Variants in GRK1 observed in about 807,000 individuals in gnomAD.
GRK1 encodes rhodopsin kinase GRK1.
In GRK1, 28 loss-of-function variants were observed where a neutral mutation model predicts 41.7. That is an observed-to-expected ratio of 0.67 (90% confidence interval 0.50 to 0.92). The LOEUF (loss-of-function observed/expected upper bound fraction) is 0.92, where lower values mean the gene tolerates loss of function less well. Among genes scored for constraint, GRK1 ranks in the 40% least tolerant of loss-of-function variants. GRK1 has a pLI of 0.00. For missense variants in GRK1, 703 were observed against 671.2 expected, an observed-to-expected ratio of 1.05 and a Z score of -0.52; for synonymous variants, 327 against 286.7, an observed-to-expected ratio of 1.14 and a Z score of -1.42.
chr13:113,653,186 G>A, the GRK1 span: 59 of 1,416,356 alleles, frequency 4.2e-5, no homozygotes, highest in East Asian at 4.8e-5. Flanking sequence ...AGAAAAGGCC[G>A]AAGCTGTGGA....
chr13:113,658,572 G>A, the GRK1 span, among the ~76,000 whole-genome samples: 25 of 152,310 alleles, frequency 1.6e-4, no homozygotes, highest in East Asian at 4.1e-3. Context: ...AGCTGGGGCC[G>A]CATCCCTGGC....
chr13:113,731,692 G>A lies in GRK1; in HGVS notation c.1194+349G>A, dbSNP rs1192855292. Among the ~76,000 whole-genome samples, 2 of 152,166 alleles carry A rather than the reference G, an allele frequency of 1.3e-5. No individual in the cohort carries two copies. The highest frequency in any genetic ancestry group is 4.8e-5 in the African/African-American group (2 of 41,436). ...TCTGGTGCAGACCGGAGGAGGGAGGGCGACTTATCCCACTGTTGCCCCAGA... is the reference window on the plus strand; with the variant it reads ...TCTGGTGCAGACCGGAGGAGGGAGGACGACTTATCCCACTGTTGCCCCAGA... On this transcript the variant is annotated intron_variant, in intron 5 of 6. Transcript: ENST00000335678. The surrounding 1 kb of genome is among the most constrained non-coding windows in gnomAD (Gnocchi z 5.6).
At position 113,735,063 on chromosome 13, in the gene GRK1, C is replaced by T. The variant is rs2049992468; in HGVS notation, c.1397-5C>T. ...CCTGGCGTCTGTGTTTTCTGTCTCC[C>T]ACAGGGATGCTGATGCCCCCTTTCA... On this transcript the variant is annotated splice_polypyrimidine_tract_variant and splice_region_variant and intron_variant, in intron 6 of 6. Coordinates refer to ENST00000335678, the MANE Select transcript of GRK1 (RefSeq NM_002929.3). 1 of 1,506,150 alleles carries T rather than the reference C, an allele frequency of 6.6e-7. No homozygotes were observed. The highest frequency in any genetic ancestry group is 1.4e-5 in the African/African-American group (1 of 72,316). The allele number at this position is 1,506,150 out of a possible 1,614,324, so 93.3% of individuals were successfully genotyped here. A position where few individuals can be genotyped will look rare whatever the true frequency, so the allele number is the denominator to read the frequency against.
At position 113,731,366 on chromosome 13, in the gene GRK1, C is replaced by T; in HGVS notation, c.1194+23C>T. ...AAGGTAGGAGGCGGCCGGCAGGTGT[C>T]TCTGCAGCCACCTTGGCGCCCTGGC... On this transcript the variant is annotated intron_variant, in intron 5 of 6. Transcript: ENST00000335678. This position sits in a 1 kb window ranked among gnomAD's most constrained non-coding sequence, Gnocchi z 5.6. 6.5e-7 allele frequency: 1 copy of T among 1,536,370 alleles called. No homozygotes were observed. The highest frequency in any genetic ancestry group is 2.4e-5 in the East Asian group (1 of 40,906).
At chr13:113,652,146 C>A in the GRK1 span, among the ~76,000 whole-genome samples, 2 of 152,236 alleles carry the variant, frequency 1.3e-5, no homozygotes, top group Non-Finnish European at 2.9e-5. Context: ...TTCCCCACAC[C>A]TCTTCCCTGG....
intron 4 of GRK1, among the ~76,000 whole-genome samples, chr13:113,728,149 GTACCCATGGCGATGAGGAA>G (rs1555360730): frequency 1.3e-5 from 1 of 79,008 alleles, no homozygotes; most frequent in African/African-American, 8.0e-5. Flanking sequence ...GCGATGAGGA[GTACCCATGGCGATGAGGAA>G]TACCCATGGC....
At chr13:113,653,232 C>T in the GRK1 span, 1 of 1,355,734 alleles carries the variant, frequency 7.4e-7, no homozygotes. Flanking sequence ...TCACACCTCA[C>T]CCACCCGCCG....
chr13:113,730,888 G>A (rs1337783881), intron 4 of GRK1, among the ~76,000 whole-genome samples: 1 of 152,272 alleles, frequency 6.6e-6, no homozygotes, highest in Non-Finnish European at 1.5e-5. Context: ...CCCAGTAAAA[G>A]AGTCCAGGAA....
chr13:113,667,865 C>G lies in GRK1; in HGVS notation c.479C>G (p.Ala160Gly). The G allele has an allele frequency of 6.3e-7, 1 of 1,588,956 alleles. No homozygotes were observed. Among genetic ancestry groups the G allele is most frequent in the Non-Finnish European group, 8.6e-7 (1 of 1,166,344 alleles). Residue 160 changes from alanine to glycine, a missense_variant, in exon 1 of 7, where the codon GCC becomes GGC. Transcript: ENST00000335678. The surrounding 1 kb of genome is among the most constrained non-coding windows in gnomAD (Gnocchi z 7.5). ...LQATLAHLGQ[A>G]PFQEYLGSLY... Reference sequence around the variant, plus strand: ...GCCACCCTGGCACACCTGGGCCAAGCCCCCTTCCAGGAGTACCTGGGCAGC... The same window carrying G: ...GCCACCCTGGCACACCTGGGCCAAGGCCCCTTCCAGGAGTACCTGGGCAGC...
At chr13:113,726,885 C>T (rs1158993627) in intron 4 of GRK1, among the ~76,000 whole-genome samples, 1 of 152,226 alleles carries the variant, frequency 6.6e-6, no homozygotes, top group East Asian at 1.9e-4. Context: ...GTTCCTGCAA[C>T]TCTTTTGGGG....
the GRK1 span, chr13:113,652,896 A>G: frequency 6.2e-7 from 1 of 1,614,174 alleles, no homozygotes; most frequent in Non-Finnish European, 8.5e-7. Context: ...ATAATAAAAC[A>G]TGGCTTTCCT....
At chr13:113,734,910 A>T in intron 6 of GRK1, 158 bp from the exon 7 acceptor site, 1 of 682,296 alleles carries the variant, frequency 1.5e-6, no homozygotes, top group Non-Finnish European at 2.3e-6. Context: ...TTCTGGGAAC[A>T]CTGGGCTTTC....
the GRK1 span, among the ~76,000 whole-genome samples, chr13:113,652,008 G>T: frequency 7.2e-5 from 11 of 152,332 alleles, no homozygotes; most frequent in East Asian, 2.1e-3. Context: ...CTGGGGCGGG[G>T]TGGTCTTAGC....
chr13:113,731,250 G>A lies in GRK1; in HGVS notation c.1101G>A (p.Glu367=). 1 of 1,537,098 alleles carries A rather than the reference G, an allele frequency of 6.5e-7. No individual in the cohort carries two copies. The highest frequency in any genetic ancestry group is 8.7e-7 in the Non-Finnish European group (1 of 1,146,840). ...GFMAPELLQG[E]EYDFSVDYFA... ...TGGCCCCCGAGCTCCTGCAGGGCGA[G>A]GAGTACGACTTCTCCGTGGACTACT... is the stretch of plus-strand genomic sequence containing the variant. The change falls in exon 5 of 7, where the codon GAG becomes GAA. Residue 367 remains glutamate, a synonymous_variant. Coordinates refer to ENST00000335678, the MANE Select transcript of GRK1 (RefSeq NM_002929.3). This position sits in a 1 kb window ranked among gnomAD's most constrained non-coding sequence, Gnocchi z 5.6.
chr13:113,732,751 G>A, intron 5 of GRK1, 133 bp from the exon 6 acceptor site: 3 of 846,402 alleles, frequency 3.5e-6, no homozygotes, highest in South Asian at 3.4e-5. Flanking sequence ...GCTGTGCTGG[G>A]GAGGGGCACA....
At chr13:113,649,832 C>T in the GRK1 span, among the ~76,000 whole-genome samples, 7 of 152,208 alleles carry the variant, frequency 4.6e-5, no homozygotes, top group South Asian at 2.1e-4. This position sits in a 1 kb window ranked among gnomAD's most constrained non-coding sequence, Gnocchi z 4.7. Context: ...GGAAAGTCTT[C>T]GAAGTGGATA....
upstream of GRK1, among the ~76,000 whole-genome samples, chr13:113,666,093 C>T (rs2049816442): frequency 2.1e-5 from 3 of 142,246 alleles, no homozygotes; most frequent in South Asian, 6.8e-4. Flanking sequence ...TGTGCACCAG[C>T]TGTATCTCAG....
At chr13:113,651,678 G>A in the GRK1 span, 16 of 1,613,176 alleles carry the variant, frequency 9.9e-6, no homozygotes, top group South Asian at 1.1e-4. Context: ...CACCAGGAAG[G>A]CGCAGTCCAC....
Position 113,735,495 on chromosome 13 carries a change from C to G in GRK1, c.*132C>G. On this transcript the variant is annotated 3_prime_UTR_variant, in exon 7 of 7. Transcript: ENST00000335678. ...TCCCTCCACCCAGGTCCCCATCACG[C>G]CATCTCCTTGCGGCCCAAGGAGGAG... The G allele has an allele frequency of 9.6e-7, 1 of 1,039,710 alleles. No homozygotes were observed. The highest frequency in any genetic ancestry group is 2.0e-5 in the South Asian group (1 of 49,274). 64.4% of individuals were successfully genotyped at this position (1,039,710 alleles called of 1,614,324 possible).
Sources: gnomAD v4.1 joint callset for allele counts (sites outside exome capture counted in the v4.1 genomes callset) on GRCh38, gnomAD v4.1.1 for gene constraint, Gnocchi (gnomAD v3.1) non-coding constraint, MANE v1.5 for transcripts, NCBI Gene and HGNC (gene_info 2026-07-23, HGNC 2026-07-21) for gene names.